The following SAMMSON variants were observed in gnomAD, a reference collection of about 807,000 sequenced individuals.
SAMMSON encodes the protein survival associated mitochondrial melanoma specific oncogenic non-coding RNA.
intron 4 of SAMMSON, among the ~76,000 whole-genome samples, chr3:70,123,051 C>G (rs1476705466): frequency 6.6e-6 from 1 of 152,148 alleles, no homozygotes; most frequent in South Asian, 2.1e-4. Context: ...TACCTGATAA[C>G]TCCTAGATAA....
chr3:70,354,457 T>C (rs560392537), intron 8 of SAMMSON, among the ~76,000 whole-genome samples: 1 of 152,178 alleles, frequency 6.6e-6, no homozygotes. Flanking sequence ...AAAATGTGAC[T>C]ATAGAATTAG....
At chr3:70,386,119 G>A (rs1703121142) in intron 9 of SAMMSON, among the ~76,000 whole-genome samples, 2 of 152,110 alleles carry the variant, frequency 1.3e-5, no homozygotes, top group South Asian at 2.1e-4. Context: ...GTTGGCAAGA[G>A]CGTTTTGAAG....
At chr3:70,205,584 G>A (rs1701282041) in intron 4 of SAMMSON, 1 of 151,954 alleles carries the variant, frequency 6.6e-6, no homozygotes, top group Admixed American at 6.6e-5. Context: ...ACCCCATGGT[G>A]TGAACTAGCC....
intron 4 of SAMMSON, among the ~76,000 whole-genome samples, chr3:70,108,688 C>G (rs1396841131): frequency 6.6e-6 from 1 of 151,650 alleles, no homozygotes; most frequent in African/African-American, 2.4e-5. Flanking sequence ...AGAGGCGACA[C>G]CGGAGAGCTT....
intron 4 of SAMMSON, among the ~76,000 whole-genome samples, chr3:70,219,439 A>G (rs1343274870): frequency 6.6e-6 from 1 of 152,192 alleles, no homozygotes; most frequent in African/African-American, 2.4e-5. Context: ...AGAGAGCTGT[A>G]GTTCTTTGTC....
chr3:70,108,710 C>T (rs967773823), intron 4 of SAMMSON, among the ~76,000 whole-genome samples: 1 of 151,814 alleles, frequency 6.6e-6, no homozygotes, highest in Non-Finnish European at 1.5e-5. Flanking sequence ...CTCACTCCCT[C>T]CCCGCATGCA....
intron 4 of SAMMSON, among the ~76,000 whole-genome samples, chr3:70,217,524 C>T (rs1019121107): frequency 4.6e-5 from 7 of 152,094 alleles, no homozygotes; most frequent in African/African-American, 1.7e-4. Context: ...GGTTTTACCA[C>T]TAAAATATTT....
intron 2 of SAMMSON, among the ~76,000 whole-genome samples, chr3:70,406,702 A>G (rs901357991): frequency 2.0e-5 from 3 of 152,228 alleles, no homozygotes; most frequent in African/African-American, 7.2e-5. Flanking sequence ...TAAAATATAA[A>G]GCAAATAAAT....
intron 3 of SAMMSON, among the ~76,000 whole-genome samples, chr3:70,034,287 A>G (rs1481123401): frequency 1.3e-5 from 2 of 152,190 alleles, no homozygotes; most frequent in Non-Finnish European, 2.9e-5. Context: ...TTCTCTATGT[A>G]TGTGTATGAA....
At chr3:70,285,523 T>A (rs1037239785) in intron 6 of SAMMSON, among the ~76,000 whole-genome samples, 9 of 152,042 alleles carry the variant, frequency 5.9e-5, no homozygotes, top group African/African-American at 2.2e-4. Flanking sequence ...AAAATACGTG[T>A]GCATGTGTCT....
chr3:70,417,726 A>G (rs1280521775), intron 2 of SAMMSON, among the ~76,000 whole-genome samples: 1 of 152,062 alleles, frequency 6.6e-6, no homozygotes, highest in African/African-American at 2.4e-5. Context: ...CTTCATGATT[A>G]TAGACACTTT....
intron 2 of SAMMSON, among the ~76,000 whole-genome samples, chr3:70,405,719 C>T (rs1304604653): frequency 3.3e-5 from 5 of 151,976 alleles, no homozygotes; most frequent in South Asian, 2.1e-4. Flanking sequence ...AGCAGGCAGT[C>T]GAATCTGCAT....
At chr3:70,395,572 A>AGT (rs1414466859) in intron 2 of SAMMSON, among the ~76,000 whole-genome samples, 2 of 152,096 alleles carry the variant, frequency 1.3e-5, no homozygotes, top group African/African-American at 4.8e-5. Flanking sequence ...CTCCTGCCAC[A>AGT]GTTTTACAAA....
intron 4 of SAMMSON, among the ~76,000 whole-genome samples, chr3:70,225,887 G>C (rs1242771047): frequency 2.0e-5 from 3 of 152,124 alleles, no homozygotes; most frequent in Non-Finnish European, 4.4e-5. Flanking sequence ...GCCTCTGAGG[G>C]CTTAAGAATT....
At chr3:70,171,736 C>T (rs1700959349) in intron 4 of SAMMSON, among the ~76,000 whole-genome samples, 3 of 151,764 alleles carry the variant, frequency 2.0e-5, no homozygotes, top group South Asian at 2.1e-4. Context: ...ATTCTCGTGT[C>T]CTTTAAACCT....
intron 3 of SAMMSON, among the ~76,000 whole-genome samples, chr3:70,035,169 G>T (rs1023160517): frequency 7.2e-5 from 11 of 152,106 alleles, no homozygotes; most frequent in Admixed American, 5.2e-4. Flanking sequence ...CTGTGGTGTT[G>T]TAGGTTGAAG....
intron 4 of SAMMSON, among the ~76,000 whole-genome samples, chr3:70,089,978 G>A (rs2067299537): frequency 6.6e-6 from 1 of 152,146 alleles, no homozygotes; most frequent in East Asian, 1.9e-4. Flanking sequence ...CCTATTATAG[G>A]AAGGGAGTAT....
chr3:70,077,495 G>C (rs1363494760), intron 4 of SAMMSON, among the ~76,000 whole-genome samples: 1 of 152,088 alleles, frequency 6.6e-6, no homozygotes, highest in Non-Finnish European at 1.5e-5. Context: ...GGTATCAGGG[G>C]AACATACACA....
At chr3:70,031,360 G>A (rs2067065519) in intron 3 of SAMMSON, among the ~76,000 whole-genome samples, 2 of 152,064 alleles carry the variant, frequency 1.3e-5, no homozygotes, top group Non-Finnish European at 2.9e-5. Context: ...ATGGAAAATA[G>A]GATAGAGATT....
Sources: allele counts gnomAD v4.1 joint callset (sites outside exome capture counted in the v4.1 genomes callset), GRCh38; gene constraint gnomAD v4.1.1; transcripts MANE v1.5; gene names NCBI Gene and HGNC (gene_info 2026-07-23, HGNC 2026-07-21).